Variants in NEK11 observed in about 807,000 individuals in gnomAD.
NEK11 encodes the protein NIMA related kinase 11, also known as serine/threonine-protein kinase Nek11.
Under a neutral mutation model 80.7 loss-of-function variants are expected in NEK11, and 72 were observed. That is an observed-to-expected ratio of 0.89 (90% confidence interval 0.74 to 1.08). NEK11 has a LOEUF of 1.08. NEK11 is among the 50% of genes least tolerant of loss of function. The pLI is 0.00. For synonymous variants in NEK11, 251 were observed against 260.7 expected (o/e 0.96, Z 0.36); for missense variants, 764 against 763.6 (o/e 1.00, Z -0.01).
intron 16 of NEK11, among the ~76,000 whole-genome samples, chr3:131,248,936 A>G (rs938163568): frequency 6.6e-6 from 1 of 152,088 alleles, no homozygotes; most frequent in African/African-American, 2.4e-5. Flanking sequence ...CTGGAAAAAG[A>G]TAGATTCCAC....
intron 3 of NEK11, among the ~76,000 whole-genome samples, chr3:131,075,800 G>T (rs2074255162): frequency 6.6e-6 from 1 of 152,120 alleles, no homozygotes; most frequent in Non-Finnish European, 1.5e-5. Context: ...CACTGATCAG[G>T]ACTCCCAGGT....
chr3:131,054,168 T>C (rs2068925574), intron 3 of NEK11, among the ~76,000 whole-genome samples: 1 of 152,086 alleles, frequency 6.6e-6, no homozygotes, highest in South Asian at 2.1e-4. Flanking sequence ...CTGGGCAACA[T>C]GGCAAAACCC....
In NEK11 at chr3:131,170,838, C is replaced by T. The variant is rs369452144; in HGVS notation, c.1350C>T (p.His450=). The T allele has an allele frequency of 4.3e-6, 7 of 1,614,062 alleles. No individual in the cohort carries two copies. The highest frequency in any genetic ancestry group is 3.3e-5 in the Admixed American group (2 of 60,028). The change falls in exon 14 of 18, where the codon CAC becomes CAT. Residue 450 remains histidine (H), a synonymous_variant. Transcript: ENST00000383366. ...AGCCTATTCCTTCCATGGACCTCCA[C>T]GAACTTGAATCAATTGTAGAGGATG... ...ESQPIPSMDL[H]ELESIVEDAT... is the part of the protein sequence containing the mutation.
At chr3:131,208,405 C>T (rs1014488836) in intron 14 of NEK11, among the ~76,000 whole-genome samples, 2 of 152,178 alleles carry the variant, frequency 1.3e-5, no homozygotes, top group Non-Finnish European at 2.9e-5. Context: ...CATGATGCCT[C>T]CAGCTTTGTT....
At chr3:131,062,774 T>A (rs1201344457) in intron 3 of NEK11, among the ~76,000 whole-genome samples, 5 of 152,166 alleles carry the variant, frequency 3.3e-5, no homozygotes, top group Non-Finnish European at 7.3e-5. Flanking sequence ...GAGATGTGAC[T>A]CCACAGCTCT....
At chr3:131,261,559 A>T (rs1299969375) in intron 16 of NEK11, among the ~76,000 whole-genome samples, 2 of 152,170 alleles carry the variant, frequency 1.3e-5, no homozygotes, top group Non-Finnish European at 1.5e-5. Context: ...CTTCAGTCTA[A>T]TGAAACTACT....
intron 17 of NEK11, chr3:131,326,420 T>A (rs1256375478): frequency 6.6e-6 from 1 of 152,392 alleles, no homozygotes; most frequent in African/African-American, 2.4e-5. Flanking sequence ...CTCCTCTTAA[T>A]TAGGCTCCAC....
At position 131,243,228 on chromosome 3, in the gene NEK11, CAGAT is replaced by C. The variant is rs572189490; in HGVS notation, c.1561-204_1561-201del. 1.1e-4 allele frequency among the ~76,000 whole-genome samples: 17 copies of C among 152,106 alleles called. No homozygotes were observed. In the South Asian group the frequency reaches 2.3e-3, roughly 20 times the overall value. On this transcript the variant is annotated intron_variant, in intron 15 of 17. Transcript: ENST00000383366. ...ATTTTTTTGTATGTTTTTGCCATGA[CAGAT>C]AGAGCAATAAATCTAGAGATTGTTA...
chr3:131,177,212 A>C (rs1465257253), intron 14 of NEK11, among the ~76,000 whole-genome samples: 1 of 152,186 alleles, frequency 6.6e-6, no homozygotes, highest in Non-Finnish European at 1.5e-5. Context: ...GCCATATGAA[A>C]GGGAATCTTT....
intron 5 of NEK11, among the ~76,000 whole-genome samples, chr3:131,129,973 T>C (rs2084129797): frequency 6.6e-6 from 1 of 152,188 alleles, no homozygotes; most frequent in Non-Finnish European, 1.5e-5. Context: ...ACAAAATAAC[T>C]TCCTGGGATT....
chr3:131,325,485 T>C (rs1422118302), intron 17 of NEK11: 1 of 152,202 alleles, frequency 6.6e-6, no homozygotes, highest in East Asian at 1.9e-4. Flanking sequence ...TTCATGGAGC[T>C]TCAGCTGTAT....
intron 14 of NEK11, among the ~76,000 whole-genome samples, chr3:131,208,070 G>T (rs2094497931): frequency 6.6e-6 from 1 of 152,136 alleles, no homozygotes; most frequent in Non-Finnish European, 1.5e-5. Flanking sequence ...TAATGCCTAG[G>T]TTTTCTTCTA....
At chr3:131,073,138 T>G (rs575897456) in intron 3 of NEK11, among the ~76,000 whole-genome samples, 71 of 152,306 alleles carry the variant, frequency 4.7e-4, no homozygotes, top group Non-Finnish European at 7.8e-4. Flanking sequence ...TGCAGAGAAC[T>G]CCAGGGAGCA....
chr3:131,053,524 A>G (rs1310629851), intron 3 of NEK11: 6 of 152,252 alleles, frequency 3.9e-5, no homozygotes, highest in Non-Finnish European at 8.8e-5. Context: ...TTGTGTGTAC[A>G]CAAAGGTATA....
chr3:131,333,102 AG>A lies in NEK11; in HGVS notation c.1719-16453del, dbSNP rs1289447077. On this transcript the variant is annotated intron_variant, in intron 17 of 17. Coordinates refer to ENST00000383366, the MANE Select transcript of NEK11 (RefSeq NM_024800.5). ...GCAAGGCAGGCCAACCTTCAGATTC[AG>A]GAAATACAGAGAACACCACAAAGAT... Among the ~76,000 whole-genome samples, 66 of 152,330 alleles carry A rather than the reference AG, an allele frequency of 4.3e-4. No individual in the cohort carries two copies. The East Asian group carries it at 0.013, about 29-fold the overall frequency.
chr3:131,161,709 A>C (rs2091616742), intron 10 of NEK11, among the ~76,000 whole-genome samples: 1 of 152,194 alleles, frequency 6.6e-6, no homozygotes, highest in African/African-American at 2.4e-5. Context: ...GAGGGAGAGG[A>C]TCAGGAAAAA....
At chr3:131,105,606 C>G (rs2079062687) in intron 4 of NEK11, among the ~76,000 whole-genome samples, 1 of 152,158 alleles carries the variant, frequency 6.6e-6, no homozygotes, top group South Asian at 2.1e-4. Context: ...CACAGGGCAG[C>G]AGGATGGAGT....
intron 9 of NEK11, 31 bp from the exon 10 acceptor site, chr3:131,155,005 T>G (rs1191421038): frequency 7.5e-7 from 1 of 1,326,610 alleles, no homozygotes; most frequent in Non-Finnish European, 1.1e-6. Context: ...GAGGAGCCTT[T>G]AAGATATGTC....
intron 16 of NEK11, among the ~76,000 whole-genome samples, chr3:131,255,114 AAGAAAGAAAGAAAG>A (rs1256657394): frequency 4.0e-4 from 60 of 150,960 alleles, no homozygotes; most frequent in African/African-American, 1.4e-3. Context: ...GAAAGAAAGA[AAGAAAGAAAGAAAG>A]AGAGAAAGAA....
Sources: allele counts gnomAD v4.1 joint callset (sites outside exome capture counted in the v4.1 genomes callset), GRCh38; gene constraint gnomAD v4.1.1; transcripts MANE v1.5; gene names NCBI Gene and HGNC (gene_info 2026-07-23, HGNC 2026-07-21).